The following RBFOX1 variants were observed in gnomAD, a reference collection of about 807,000 sequenced individuals.
The protein encoded by RBFOX1 is RNA binding protein fox-1 homolog 1.
In RBFOX1, 8 loss-of-function variants were observed where a neutral mutation model predicts 57.7. That is an observed-to-expected ratio of 0.14 (90% CI 0.08 to 0.25). The LOEUF is 0.25. Among genes scored for constraint, RBFOX1 ranks in the 10% least tolerant of loss-of-function variants. RBFOX1 has a pLI of 1.00. For synonymous variants in RBFOX1, 326 were observed against 222.4 expected (o/e 1.47, Z -4.15); for missense variants, 611 against 548.5 (o/e 1.11, Z -1.14).
At chr16:6,510,381 T>G (rs2096229053) in intron 2 of RBFOX1, among the ~76,000 whole-genome samples, 1 of 152,108 alleles carries the variant, frequency 6.6e-6, no homozygotes, top group Non-Finnish European at 1.5e-5. Context: ...ACTCCCAGTT[T>G]CCCGATGCCG....
At chr16:6,895,407 G>T (rs1050956527) in intron 3 of RBFOX1, among the ~76,000 whole-genome samples, 1 of 128,276 alleles carries the variant, frequency 7.8e-6, no homozygotes, top group Non-Finnish European at 1.6e-5. Flanking sequence ...GCCACTAGTT[G>T]TTAGTAATAT....
At chr16:7,377,919 T>C (rs1160554494) in intron 4 of RBFOX1, among the ~76,000 whole-genome samples, 4 of 152,120 alleles carry the variant, frequency 2.6e-5, no homozygotes, top group Non-Finnish European at 5.9e-5. Flanking sequence ...AGAGAAGTTT[T>C]AAGGAGGTGA....
intron 1 of RBFOX1, among the ~76,000 whole-genome samples, chr16:6,155,718 T>C (rs1397823507): frequency 6.6e-6 from 1 of 152,198 alleles, no homozygotes; most frequent in Non-Finnish European, 1.5e-5. Flanking sequence ...GTAGTCCCCG[T>C]GGAGCCTGAT....
At chr16:5,506,622 C>T (rs1219862101) in intron 2 of RBFOX1, among the ~76,000 whole-genome samples, 1 of 152,268 alleles carries the variant, frequency 6.6e-6, no homozygotes, top group East Asian at 1.9e-4. Flanking sequence ...TTAATCACCC[C>T]AGGCAGTGGG....
At chr16:7,457,465 G>A (rs1006042803) in intron 4 of RBFOX1, among the ~76,000 whole-genome samples, 2 of 152,130 alleles carry the variant, frequency 1.3e-5, no homozygotes, top group Admixed American at 6.5e-5. Flanking sequence ...ATCTATTTAC[G>A]TATAAATATG....
intron 4 of RBFOX1, among the ~76,000 whole-genome samples, chr16:5,898,802 A>G (rs1016931658): frequency 3.3e-5 from 5 of 151,836 alleles, no homozygotes; most frequent in Admixed American, 1.3e-4. Context: ...GCTCATGCCT[A>G]TAATCCCAGC....
At chr16:6,236,294 G>T (rs2097504648) in intron 1 of RBFOX1, among the ~76,000 whole-genome samples, 1 of 152,036 alleles carries the variant, frequency 6.6e-6, no homozygotes, top group African/African-American at 2.4e-5. Context: ...ATCTCACTTT[G>T]TCCTGGTCCC....
At chr16:7,156,388 C>T (rs2077141834) in intron 4 of RBFOX1, among the ~76,000 whole-genome samples, 1 of 151,606 alleles carries the variant, frequency 6.6e-6, no homozygotes, top group African/African-American at 2.4e-5. Flanking sequence ...TACATATATG[C>T]ACACATACAT....
chr16:7,264,665 G>C (rs535898890), intron 4 of RBFOX1, among the ~76,000 whole-genome samples: 6 of 152,176 alleles, frequency 3.9e-5, no homozygotes, highest in Admixed American at 2.6e-4. Flanking sequence ...TAATTTTCAG[G>C]TGTCATGCAA....
chr16:7,234,616 ATGTT>A (rs1161638803), intron 4 of RBFOX1, among the ~76,000 whole-genome samples: 2 of 150,042 alleles, frequency 1.3e-5, no homozygotes, highest in Admixed American at 6.7e-5. Context: ...GTGTATATAT[ATGTT>A]TGTATGTGCT....
chr16:7,702,429 C>G (rs1036257239), intron 14 of RBFOX1, among the ~76,000 whole-genome samples: 2 of 152,178 alleles, frequency 1.3e-5, no homozygotes, highest in African/African-American at 2.4e-5. Flanking sequence ...CCTTCAGCCT[C>G]TTTCAGTAGG....
chr16:6,049,637 A>T (rs1296654978), intron 1 of RBFOX1, among the ~76,000 whole-genome samples: 1 of 152,162 alleles, frequency 6.6e-6, no homozygotes, highest in Non-Finnish European at 1.5e-5. Context: ...CCACTATTAA[A>T]TAGTGGTTTA....
chr16:6,978,757 T>G (rs1393531254), intron 3 of RBFOX1, among the ~76,000 whole-genome samples: 3 of 152,206 alleles, frequency 2.0e-5, no homozygotes, highest in Non-Finnish European at 2.9e-5. Flanking sequence ...AACCCCAGAT[T>G]TGAACCCCAG....
rs112144728 is a variant in RBFOX1 at position 5,598,386 on chromosome 16, G to C, written c.259-516G>C. ...AACATCCGGACCAGCACTGCCTCAG[G>C]AGTGTCAGCGGAGTCAAAGATGCAA... On this transcript the variant is annotated intron_variant, in intron 2 of 2. Transcript: ENST00000585867. Among the ~76,000 whole-genome samples, 147 of 152,246 alleles carry C rather than the reference G, an allele frequency of 9.7e-4. 3 individuals are homozygous for C. The South Asian group carries it at 0.029, about 30-fold the overall frequency.
At chr16:5,322,565 T>G (rs1297450099) in intron 1 of RBFOX1, among the ~76,000 whole-genome samples, 2 of 152,166 alleles carry the variant, frequency 1.3e-5, no homozygotes, top group Non-Finnish European at 2.9e-5. Flanking sequence ...CAGATTGAAC[T>G]GATGTAGGTG....
At chr16:5,748,426 T>G (rs1193703626) in intron 3 of RBFOX1, among the ~76,000 whole-genome samples, 1 of 152,198 alleles carries the variant, frequency 6.6e-6, no homozygotes, top group African/African-American at 2.4e-5. Flanking sequence ...TTCCTGGATA[T>G]CCTTGTTAAC....
Position 7,538,762 on chromosome 16 carries a change from C to T in RBFOX1, c.270+20373C>T, listed in dbSNP as rs1409373428. ...TGTAGAGATCAGCTTGGTACATATA[C>T]CACTTGGAACTGGGGAGTAAGTTCC... On this transcript the variant is annotated intron_variant, in intron 5 of 15. Coordinates refer to ENST00000550418, the MANE Select transcript of RBFOX1 (RefSeq NM_018723.4). 2.0e-5 allele frequency among the ~76,000 whole-genome samples: 3 copies of T among 152,220 alleles called. No individual in the cohort carries two copies. The East Asian group carries it at 5.8e-4, about 29-fold the overall frequency.
chr16:6,920,105 G>A lies in RBFOX1; in HGVS notation c.-15-131952G>A, dbSNP rs117045251. Reference sequence around the variant, plus strand: ...CAACTCCATCCAAGTTGCTGCATAGGCCATTATTTTGTTCCATTTTATGGC... The same window carrying A: ...CAACTCCATCCAAGTTGCTGCATAGACCATTATTTTGTTCCATTTTATGGC... On this transcript the variant is annotated intron_variant, in intron 3 of 15. Transcript: ENST00000550418. Among the ~76,000 whole-genome samples, 3 of 152,188 alleles carry A rather than the reference G, an allele frequency of 2.0e-5. No homozygotes were observed. In the East Asian group the frequency reaches 5.8e-4, roughly 29 times the overall value.
At chr16:6,018,499 G>A (rs1243114371), upstream of RBFOX1, among the ~76,000 whole-genome samples, 2 of 152,152 alleles carry the variant, frequency 1.3e-5, no homozygotes, top group Non-Finnish European at 2.9e-5. Flanking sequence ...CCCCTTCAGC[G>A]TCCATTGCGG....
Sources: gnomAD v4.1 joint callset for allele counts (sites outside exome capture counted in the v4.1 genomes callset) on GRCh38, gnomAD v4.1.1 for gene constraint, MANE v1.5 for transcripts, NCBI Gene and HGNC (gene_info 2026-07-23, HGNC 2026-07-21) for gene names.